Variants in NOLC1 observed in about 807,000 individuals in gnomAD.
NOLC1 encodes the protein nucleolar and coiled-body phosphoprotein 1.
In NOLC1, 37 loss-of-function variants were observed where a neutral mutation model predicts 73.4. The ratio of observed to expected loss-of-function variants is 0.50; its 90% CI spans 0.39 to 0.66. NOLC1 has a LOEUF of 0.66. Among genes scored for constraint, NOLC1 ranks in the 30% least tolerant of loss-of-function variants. The probability of loss-of-function intolerance (pLI) is 0.00; values close to 1 mark genes in which losing one functional copy is unlikely to be tolerated. For synonymous variants in NOLC1, 327 were observed against 302.6 expected (o/e 1.08, Z -0.84); for missense variants, 921 against 838.9 (o/e 1.10, Z -1.21).
At chr10:102,156,765 A>ATCAATATAGATTGGCAGG (rs2069602282) in intron 1 of NOLC1, among the ~76,000 whole-genome samples, 1 of 152,038 alleles carries the variant, frequency 6.6e-6, no homozygotes, top group Non-Finnish European at 1.5e-5. Context: ...TAGGACTTTG[A>ATCAATATAGATTGGCAGG]TCAATATAGA....
At chr10:102,156,191 CCTT>C (rs1311872976) in intron 1 of NOLC1, among the ~76,000 whole-genome samples, 12 of 152,228 alleles carry the variant, frequency 7.9e-5, no homozygotes, top group East Asian at 3.8e-4. Flanking sequence ...GCAGGAAAAA[CCTT>C]CTTGTATTAG....
chr10:102,156,767 C>T (rs1469157364), intron 1 of NOLC1, among the ~76,000 whole-genome samples: 1 of 151,902 alleles, frequency 6.6e-6, no homozygotes, highest in Admixed American at 6.6e-5. Flanking sequence ...GGACTTTGAT[C>T]AATATAGATT....
intron 1 of NOLC1, among the ~76,000 whole-genome samples, chr10:102,154,428 A>G (rs549981554): frequency 2.2e-4 from 34 of 152,208 alleles, no homozygotes; most frequent in African/African-American, 7.7e-4. Context: ...TGAGATGTGT[A>G]GTATTATCTC....
chr10:102,153,637 G>T (rs907885407), intron 1 of NOLC1, among the ~76,000 whole-genome samples: 1 of 151,866 alleles, frequency 6.6e-6, no homozygotes, highest in Non-Finnish European at 1.5e-5. Flanking sequence ...TTTCACAGTG[G>T]ACTGGATGGA....
intron 1 of NOLC1, among the ~76,000 whole-genome samples, chr10:102,155,949 G>A (rs1366348360): frequency 6.6e-6 from 1 of 151,020 alleles, no homozygotes; most frequent in Non-Finnish European, 1.5e-5. Context: ...CTCCGCCTCT[G>A]GGGTTCAAAC....
Position 102,160,916 on chromosome 10 carries a change from T to C in NOLC1, c.1564T>C (p.Ser522Pro), listed in dbSNP as rs1428430610. 1 of 1,613,908 alleles carries C rather than the reference T, an allele frequency of 6.2e-7. No homozygotes were observed. Among genetic ancestry groups the C allele is most frequent in the African/African-American group, 1.3e-5 (1 of 74,876 alleles). The part of the protein sequence containing the change: ...GKAESSNSSS[S>P]DDSSEEEEEK... ...GGCTGAGAGCAGCAACAGTTCTTCT[T>C]CTGATGACTCCAGTGAGGAAGAGGA... Residue 522 changes from serine (S) to proline (P), a missense_variant, in exon 10 of 13, where the codon TCT becomes CCT. Physicochemically the swap from Ser to Pro is moderately conservative, Grantham distance 74 (BLOSUM62 -1). Coordinates refer to ENST00000605788, the MANE Select transcript of NOLC1 (RefSeq NM_004741.5).
At chr10:102,157,703 T>A in intron 4 of NOLC1, 148 bp downstream of exon 4, 1 of 1,006,112 alleles carries the variant, frequency 9.9e-7, no homozygotes, top group Non-Finnish European at 1.4e-6. Context: ...AGGGAGCTGA[T>A]AAAAGTATGA....
rs760756089 is a variant in NOLC1, at chr10:102,152,520, C to T, written c.110C>T (p.Ala37Val). The T allele has an allele frequency of 6.2e-7, 1 of 1,613,788 alleles. No individual in the cohort carries two copies. Among genetic ancestry groups the T allele is most frequent in the South Asian group, 1.1e-5 (1 of 91,086 alleles). Residue 37 changes from alanine to valine, a missense_variant, in exon 1 of 13, where the codon GCG (alanine) becomes GTG (valine). Coordinates refer to ENST00000605788, the MANE Select transcript of NOLC1 (RefSeq NM_004741.5). ...GAGGTGGCCAATAAGTTCGCCAAAG[C>T]GACAGGAGCTGTGAGTTCCGGGCTT... Reference protein sequence around the residue: ...LSEVANKFAKATGATQQDANA... With the variant: ...LSEVANKFAKVTGATQQDANA...
Position 102,160,670 on chromosome 10 carries a change from A to G in NOLC1, c.1318A>G (p.Lys440Glu). The G allele has an allele frequency of 6.2e-7, 1 of 1,614,194 alleles. No homozygotes were observed. Among genetic ancestry groups the G allele is most frequent in the Non-Finnish European group, 8.5e-7 (1 of 1,180,020 alleles). ...SSSSEEEKTK[K>E]MVATTKPKAT... is the part of the protein sequence containing the mutation. ...CTCCAGTGAGGAGGAGAAGACAAAG[A>G]AGATGGTGGCCACCACTAAGCCCAA... is the stretch of plus-strand genomic sequence containing the variant. Residue 440 changes from lysine to glutamate, a missense_variant, in exon 10 of 13, where the codon AAG (lysine) becomes GAG (glutamate). Coordinates refer to ENST00000605788, the MANE Select transcript of NOLC1 (RefSeq NM_004741.5).
rs1406965188 is a variant in NOLC1 at position 102,152,544 on chromosome 10, T to G, written c.120+14T>G. ...GCGACAGGAGCTGTGAGTTCCGGGC[T>G]TGGGGCGGGGACCGGGCTGAGATGA... On this transcript the variant is annotated intron_variant, in intron 1 of 12. Coordinates refer to ENST00000605788, the MANE Select transcript of NOLC1 (RefSeq NM_004741.5). 1 of 1,613,330 alleles carries G rather than the reference T, an allele frequency of 6.2e-7. No individual in the cohort carries two copies. Among genetic ancestry groups the G allele is most frequent in the Admixed American group, 1.7e-5 (1 of 60,026 alleles).
chr10:102,157,898 C>G, intron 4 of NOLC1, 151 bp from the exon 5 acceptor site: 1 of 696,590 alleles, frequency 1.4e-6, no homozygotes, highest in Admixed American at 3.0e-5. Flanking sequence ...AGTGGCTGAA[C>G]TTTGTTGTTT....
chr10:102,159,591 G>A (rs2069664848), intron 7 of NOLC1, 23 bp downstream of exon 7: 1 of 1,610,054 alleles, frequency 6.2e-7, no homozygotes, highest in Non-Finnish European at 8.5e-7. Flanking sequence ...GGGGAGCGAA[G>A]CTGTGTGACT....
chr10:102,157,977 A>G, intron 4 of NOLC1, 72 bp from the exon 5 acceptor site: 3 of 1,413,542 alleles, frequency 2.1e-6, no homozygotes, highest in Non-Finnish European at 2.9e-6. Flanking sequence ...CCTAAAAATA[A>G]AAGGAACCTA....
rs2069751385 is a variant in NOLC1, at chr10:102,163,840, C to A, written c.*1571C>A. On this transcript the variant is annotated 3_prime_UTR_variant, in exon 13 of 13. Coordinates refer to ENST00000605788, the MANE Select transcript of NOLC1 (RefSeq NM_004741.5). Reference sequence around the variant, plus strand: ...ATGGTAAAAGTTCTAAATCTTACTACAAAATAATAAACTGGCTGGTTTATA... The same window carrying A: ...ATGGTAAAAGTTCTAAATCTTACTAAAAAATAATAAACTGGCTGGTTTATA... 6.6e-6 allele frequency: 1 copy of A among 152,162 alleles called. No individual in the cohort carries two copies. Among genetic ancestry groups the A allele is most frequent in the Non-Finnish European group, 1.5e-5 (1 of 68,026 alleles). The allele number at this position is 152,162 out of a possible 1,614,324, so 9.4% of individuals were successfully genotyped here.
chr10:102,159,227 A>C lies in NOLC1; in HGVS notation c.642A>C (p.Ala214=). Residue 214 remains alanine (A), a synonymous_variant, in exon 6 of 13, where the codon GCA becomes GCC. Coordinates refer to ENST00000605788, the MANE Select transcript of NOLC1 (RefSeq NM_004741.5). The stretch of plus-strand genomic sequence containing the variant: ...CACCTAAAATAGCCAATGGTAAAGC[A>C]GCCAGTAGCAGCAGTAGCAGCAGCA... ...RAAPKIANGK[A]ASSSSSSSSS... is the part of the protein sequence containing the mutation. The C allele has an allele frequency of 6.2e-7, 1 of 1,614,066 alleles. No individual in the cohort carries two copies. Among genetic ancestry groups the C allele is most frequent in the Non-Finnish European group, 8.5e-7 (1 of 1,179,980 alleles).
intron 5 of NOLC1, 51 bp downstream of exon 5, chr10:102,158,265 G>A: frequency 2.6e-6 from 4 of 1,551,992 alleles, no homozygotes; most frequent in Non-Finnish European, 3.5e-6. Context: ...TTGCTCTGGG[G>A]ACTGGAGTTA....
chr10:102,157,235 G>T lies in NOLC1; in HGVS notation c.223G>T (p.Ala75Ser), dbSNP rs202072894. Reference protein sequence around the residue: ...ERKLQANGPVAKKAKKKASSS... With the variant: ...ERKLQANGPVSKKAKKKASSS... ...AAAGTTACAGGCAAATGGACCAGTG[G>T]CTAAGAAAGCTAAGAAGAAGGCCTC... The change falls in exon 3 of 13, where the codon GCT (alanine) becomes TCT (serine). Residue 75 changes from alanine (A) to serine (S), a missense_variant. Ala to Ser is a moderately conservative substitution (Grantham distance 99, BLOSUM62 1). Transcript: ENST00000605788. 19 of 1,614,206 alleles carry T rather than the reference G, an allele frequency of 1.2e-5. No individual in the cohort carries two copies. Among genetic ancestry groups the T allele is most frequent in the Non-Finnish European group, 1.5e-5 (18 of 1,180,038 alleles).
At chr10:102,157,918 T>C in intron 4 of NOLC1, 131 bp from the exon 5 acceptor site, 1 of 819,974 alleles carries the variant, frequency 1.2e-6, no homozygotes, top group East Asian at 2.6e-5. Flanking sequence ...TTTTGCCCTT[T>C]CCGTATCCTG....
rs940478697 is a variant in NOLC1 at position 102,160,022 on chromosome 10, C to T, written c.986C>T (p.Ser329Phe). 1 of 1,612,584 alleles carries T rather than the reference C, an allele frequency of 6.2e-7. No individual in the cohort carries two copies. Among genetic ancestry groups the T allele is most frequent in the South Asian group, 1.1e-5 (1 of 90,790 alleles). ...VESSEDSSDESDSSSEEEKKP... is the reference protein window; with the variant it reads ...VESSEDSSDEFDSSSEEEKKP... Reference sequence around the variant, plus strand: ...AGCAGTGAAGACAGCAGTGATGAGTCTGGTGAGTCAGAGGGATGCAGCCTC... The same window carrying T: ...AGCAGTGAAGACAGCAGTGATGAGTTTGGTGAGTCAGAGGGATGCAGCCTC... The change falls in exon 8 of 13, where the codon TCT (serine) becomes TTT (phenylalanine). Residue 329 changes from serine (S) to phenylalanine (F), a missense_variant and splice_region_variant. Transcript: ENST00000605788.
Sources: allele counts gnomAD v4.1 joint callset (sites outside exome capture counted in the v4.1 genomes callset), GRCh38; gene constraint gnomAD v4.1.1; transcripts MANE v1.5; gene names NCBI Gene and HGNC (gene_info 2026-07-23, HGNC 2026-07-21).